GRM8: variants seen among roughly 807,000 people sequenced by gnomAD.
GRM8 encodes metabotropic glutamate receptor 8.
A neutral mutation model predicts 87.2 loss-of-function variants in GRM8; 47 were observed. The observed-to-expected ratio is 0.54, with a 90% CI of 0.43 to 0.69. The LOEUF is 0.69. Among genes scored for constraint, GRM8 ranks in the 30% least tolerant of loss-of-function variants. GRM8 has a pLI of 0.00. For synonymous variants in GRM8, 396 were observed against 404.5 expected (o/e 0.98, Z 0.25); for missense variants, 1,019 against 1,139.2 (o/e 0.89, Z 1.52).
intron 3 of GRM8, among the ~76,000 whole-genome samples, chr7:126,907,415 T>C (rs1802825686): frequency 6.6e-6 from 1 of 152,008 alleles, no homozygotes; most frequent in South Asian, 2.1e-4. Flanking sequence ...ATAAGCCCTG[T>C]GAGGAAGAGC....
At position 126,753,964 on chromosome 7, in the gene GRM8, G is replaced by A. The variant is rs568365360; in HGVS notation, c.1357+15901C>T. On this transcript the variant is annotated intron_variant, in intron 7 of 10. Coordinates refer to ENST00000339582, the MANE Select transcript of GRM8 (RefSeq NM_000845.3). The stretch of plus-strand genomic sequence containing the variant: ...TATGCAAAGACTTTTCAATCACGGT[G>A]ATTAAGTATTCATATTCCCTTGTCT... 4.6e-5 allele frequency among the ~76,000 whole-genome samples: 7 copies of A among 151,956 alleles called. No homozygotes were observed. In the South Asian group the frequency reaches 1.5e-3, roughly 32 times the overall value.
At chr7:127,222,108 T>C (rs1796968753) in intron 2 of GRM8, among the ~76,000 whole-genome samples, 1 of 152,184 alleles carries the variant, frequency 6.6e-6, no homozygotes, top group Non-Finnish European at 1.5e-5. Flanking sequence ...AGGGTTTTCA[T>C]TACAGCATTA....
chr7:126,701,226 T>TTGG lies in GRM8; in HGVS notation c.1357+68636_1357+68638dup, dbSNP rs1319685973. Among the ~76,000 whole-genome samples the TTGG allele has an allele frequency of 1.1e-4, 17 of 152,138 alleles. No homozygotes were observed. The East Asian group carries it at 3.3e-3, about 29-fold the overall frequency. ...TGATCTCAGCTGCAGGCCCGGAAGGTTGGGGGTGGGCTGCCTTGTATTGCA... is the reference window on the plus strand; with the variant it reads ...TGATCTCAGCTGCAGGCCCGGAAGGTTGGTGGGGGTGGGCTGCCTTGTATTGCA... On this transcript the variant is annotated intron_variant, in intron 7 of 10. Transcript: ENST00000339582.
At chr7:127,223,530 C>A (rs1797102223) in intron 2 of GRM8, among the ~76,000 whole-genome samples, 1 of 150,926 alleles carries the variant, frequency 6.6e-6, no homozygotes, top group South Asian at 2.1e-4. Flanking sequence ...TAGTGGGGAA[C>A]CTAGACAGTA....
chr7:126,526,515 T>C (rs766289520), intron 9 of GRM8, among the ~76,000 whole-genome samples: 9 of 152,186 alleles, frequency 5.9e-5, no homozygotes, highest in African/African-American at 2.2e-4. Flanking sequence ...TCAATTTCAA[T>C]TGAAAAATAC....
chr7:126,980,297 A>T (rs929515922), intron 3 of GRM8, among the ~76,000 whole-genome samples: 1 of 152,216 alleles, frequency 6.6e-6, no homozygotes, highest in Non-Finnish European at 1.5e-5. Context: ...AATTAACGAT[A>T]AACAAGTCAA....
At chr7:126,749,604 AGAAT>A (rs1225302791) in intron 7 of GRM8, among the ~76,000 whole-genome samples, 6 of 150,790 alleles carry the variant, frequency 4.0e-5, no homozygotes, top group Non-Finnish European at 7.4e-5. Flanking sequence ...TCTGATTTTC[AGAAT>A]GAATGAAGAT....
At chr7:127,102,888 C>T (rs1587010258) in intron 3 of GRM8, among the ~76,000 whole-genome samples, 1 of 152,278 alleles carries the variant, frequency 6.6e-6, no homozygotes, top group Middle Eastern at 3.4e-3. Flanking sequence ...ATAGTAGATC[C>T]ACCAGCAGCT....
At chr7:127,138,760 G>A (rs1018328587) in intron 2 of GRM8, among the ~76,000 whole-genome samples, 4 of 152,010 alleles carry the variant, frequency 2.6e-5, no homozygotes, top group East Asian at 1.9e-4. Flanking sequence ...CTTTAGTGAC[G>A]AAAAGCACTG....
intron 6 of GRM8, among the ~76,000 whole-genome samples, chr7:126,799,957 T>C (rs1822468032): frequency 6.6e-6 from 1 of 152,072 alleles, no homozygotes; most frequent in Admixed American, 6.6e-5. Flanking sequence ...CCAAGGAGAC[T>C]GAAGCCAGGA....
At chr7:127,240,081 G>T (rs1050957236) in intron 2 of GRM8, among the ~76,000 whole-genome samples, 5 of 152,162 alleles carry the variant, frequency 3.3e-5, no homozygotes, top group African/African-American at 1.2e-4. Context: ...TTCATGTGTT[G>T]GTGGGTGTCT....
At chr7:126,644,082 G>T (rs755885250) in intron 7 of GRM8, among the ~76,000 whole-genome samples, 19 of 152,188 alleles carry the variant, frequency 1.2e-4, no homozygotes, top group Non-Finnish European at 2.5e-4. Flanking sequence ...TTCTAAAGTC[G>T]ATGGTGAATC....
chr7:126,675,649 C>T (rs1261340334), intron 7 of GRM8, among the ~76,000 whole-genome samples: 3 of 152,150 alleles, frequency 2.0e-5, no homozygotes, highest in Admixed American at 1.3e-4. Context: ...ACCATATGAT[C>T]ATCTCAATAG....
chr7:126,880,596 C>G (rs1277034334), intron 6 of GRM8, among the ~76,000 whole-genome samples: 2 of 152,182 alleles, frequency 1.3e-5, no homozygotes, highest in East Asian at 3.8e-4. Flanking sequence ...CATATGGGCC[C>G]TCTGCATGTG....
intron 8 of GRM8, among the ~76,000 whole-genome samples, chr7:126,577,334 A>C (rs1356356034): frequency 4.6e-5 from 7 of 152,208 alleles, no homozygotes; most frequent in Non-Finnish European, 1.0e-4. Flanking sequence ...GTCTTGATTT[A>C]GTGTAATCAT....
intron 2 of GRM8, among the ~76,000 whole-genome samples, chr7:127,117,090 T>A: frequency 6.6e-6 from 1 of 152,116 alleles, no homozygotes; most frequent in South Asian, 2.1e-4. Context: ...AAAAAATAAA[T>A]GTATACTTAT....
intron 3 of GRM8, among the ~76,000 whole-genome samples, chr7:126,944,261 T>C (rs899324336): frequency 1.3e-5 from 2 of 152,024 alleles, no homozygotes; most frequent in Non-Finnish European, 2.9e-5. Context: ...AGATAGGAGG[T>C]TCTCAGAAGC....
rs139012397 is a variant in GRM8 at position 126,676,648 on chromosome 7, G to A, written c.1358-67150C>T. ...GAAAGGACACTCTATTCAATAAATG[G>A]TGCTGGGTAAATTGAAAGCCACATG... On this transcript the variant is annotated intron_variant, in intron 7 of 10. Transcript: ENST00000339582. Among the ~76,000 whole-genome samples the A allele has an allele frequency of 7.5e-3, 1,145 of 152,188 alleles. 16 individuals are homozygous for A. Among genetic ancestry groups the A allele is most frequent in the African/African-American group, 0.026 (1,065 of 41,520 alleles).
rs138635165 is a variant in GRM8 at position 126,534,456 on chromosome 7, T to C, written c.1495-569A>G. On this transcript the variant is annotated intron_variant, in intron 8 of 10. Transcript: ENST00000339582. ...GTTTTGCCCCTGTTTAGGCTTGAAA[T>C]ATCCTTTTTTTCTTCAGTCTTGCAT... Among the ~76,000 whole-genome samples the C allele has an allele frequency of 1.9e-4, 29 of 152,326 alleles. No homozygotes were observed. In the East Asian group the frequency reaches 5.6e-3, roughly 29 times the overall value.
Sources: gnomAD v4.1 joint callset for allele counts (sites outside exome capture counted in the v4.1 genomes callset) on GRCh38, gnomAD v4.1.1 for gene constraint, MANE v1.5 for transcripts, NCBI Gene and HGNC (gene_info 2026-07-23, HGNC 2026-07-21) for gene names.